The following ITPRID1 variants were observed in gnomAD, a reference collection of about 807,000 sequenced individuals.
ITPRID1 encodes the protein ITPR interacting domain containing 1, also known as protein ITPRID1.
Under a neutral mutation model 95.4 loss-of-function variants are expected in ITPRID1, and 96 were observed. The ratio of observed to expected loss-of-function variants is 1.01; its 90% CI spans 0.85 to 1.19. ITPRID1 has a LOEUF of 1.19. Ranked by LOEUF, ITPRID1 falls within the 50% of genes most tolerant of loss-of-function variation. The probability of loss-of-function intolerance (pLI) is 0.00; values close to 1 mark genes in which losing one functional copy is unlikely to be tolerated. For synonymous variants in ITPRID1, 510 were observed against 453.6 expected (o/e 1.12, Z -1.58); for missense variants, 1,339 against 1,252.9 (o/e 1.07, Z -1.04).
rs759458587 is a variant in ITPRID1, at chr7:31,569,768, T to G, written c.267T>G (p.Tyr89Ter). The change falls in exon 6 of 15, where the codon TAT becomes TAG. Residue 89 changes from tyrosine to a stop codon, truncating the protein, a stop_gained. Transcript: ENST00000615280. LOFTEE classifies it high-confidence loss of function. ...QQVIDRTVSL[Y>*]EQGMVQMTVK... ...TTTTTGTTGTTGCAGTTTCTTTGTATGAACAAGGGATGGTTCAAATGACTG... is the reference window on the plus strand; with the variant it reads ...TTTTTGTTGTTGCAGTTTCTTTGTAGGAACAAGGGATGGTTCAAATGACTG... 1 of 1,584,770 alleles carries G rather than the reference T, an allele frequency of 6.3e-7. No individual in the cohort carries two copies. Among genetic ancestry groups the G allele is most frequent in the Admixed American group, 1.8e-5 (1 of 55,564 alleles).
At chr7:31,625,819 CTT>C (rs34385465) in intron 10 of ITPRID1, among the ~76,000 whole-genome samples, 2,296 of 149,888 alleles carry the variant, frequency 0.015, 22 homozygotes, top group Non-Finnish European at 0.025. Flanking sequence ...CTTAGAATGT[CTT>C]TTTTTTTAAA....
At chr7:31,604,451 A>T (rs1332737224) in intron 10 of ITPRID1, among the ~76,000 whole-genome samples, 2 of 152,220 alleles carry the variant, frequency 1.3e-5, no homozygotes, top group African/African-American at 2.4e-5. Flanking sequence ...TATAGTTAAG[A>T]TACCATCCTA....
downstream of ITPRID1, chr7:31,658,298 CCTTTT>C: frequency 6.7e-7 from 1 of 1,494,478 alleles, no homozygotes; most frequent in Non-Finnish European, 8.8e-7. Context: ...GAGCTGGATC[CCTTTT>C]TTTTTTCTTC....
chr7:31,562,044 T>TAA lies in ITPRID1; in HGVS notation c.256+7168_256+7169dup, dbSNP rs33912394. On this transcript the variant is annotated intron_variant, in intron 5 of 14. Coordinates refer to ENST00000615280, the MANE Select transcript of ITPRID1 (RefSeq NM_001257967.3). ...AGATTCCATATGAAAGCTATGTATT[T>TAA]AAAAAAAAAAAAAAAAAAAAAAAAA... 1.4e-3 allele frequency among the ~76,000 whole-genome samples: 72 copies of TAA among 52,546 alleles called. 1 individual carries two copies. The highest frequency in any genetic ancestry group is 4.3e-3 in the African/African-American group (63 of 14,514). The allele number at this position is 52,546 out of a possible 152,430, so 34.5% of individuals were successfully genotyped here.
intron 8 of ITPRID1, 37 bp from the exon 9 acceptor site, chr7:31,577,826 C>T (rs1219763553): frequency 4.0e-6 from 6 of 1,497,664 alleles, no homozygotes; most frequent in Non-Finnish European, 5.4e-6. Context: ...GCAAAAAAGA[C>T]CCAATCTGAA....
Position 31,554,472 on chromosome 7 carries a change from T to C in ITPRID1, c.164-3T>C, listed in dbSNP as rs1784384071. ...TAACTGATCTGTTCTTTCTTACTTG[T>C]AGAAGATTCCAAGCAAGAAAGTATT... On this transcript the variant is annotated splice_polypyrimidine_tract_variant and splice_region_variant and intron_variant, in intron 3 of 14. Transcript: ENST00000615280. 2 of 1,612,282 alleles carry C rather than the reference T, an allele frequency of 1.2e-6. No homozygotes were observed. Among genetic ancestry groups the C allele is most frequent in the Non-Finnish European group, 8.5e-7 (1 of 1,179,064 alleles).
chr7:31,564,434 C>T (rs1218299540), intron 5 of ITPRID1, among the ~76,000 whole-genome samples: 1 of 152,066 alleles, frequency 6.6e-6, no homozygotes, highest in Non-Finnish European at 1.5e-5. Context: ...CCTCCCCAAA[C>T]ACTCTTAGAG....
At chr7:31,553,558 T>C (rs975208080) in intron 3 of ITPRID1, among the ~76,000 whole-genome samples, 3 of 152,216 alleles carry the variant, frequency 2.0e-5, no homozygotes, top group Admixed American at 1.3e-4. Context: ...GCAGGAGGCA[T>C]TGACAAAAAT....
chr7:31,604,146 G>A (rs1277104145), intron 10 of ITPRID1, among the ~76,000 whole-genome samples: 1 of 152,212 alleles, frequency 6.6e-6, no homozygotes, highest in Admixed American at 6.5e-5. Context: ...GGGTTAGTAT[G>A]TGGGGCTGTA....
At chr7:31,600,425 A>G (rs1346168080) in intron 10 of ITPRID1, among the ~76,000 whole-genome samples, 1 of 152,244 alleles carries the variant, frequency 6.6e-6, no homozygotes, top group East Asian at 1.9e-4. Context: ...CATAAAGTGG[A>G]CAATTATGCA....
chr7:31,628,945 AAAAC>A (rs1788745448), intron 10 of ITPRID1, among the ~76,000 whole-genome samples: 1 of 152,218 alleles, frequency 6.6e-6, no homozygotes, highest in Non-Finnish European at 1.5e-5. Flanking sequence ...GGAAAAAACA[AAAAC>A]AAAAAAACAT....
intron 9 of ITPRID1, among the ~76,000 whole-genome samples, chr7:31,580,872 A>G (rs1785378243): frequency 6.6e-6 from 1 of 152,164 alleles, no homozygotes; most frequent in Non-Finnish European, 1.5e-5. Flanking sequence ...GAGAGACTGT[A>G]TGTGTATGTA....
intron 1 of ITPRID1, among the ~76,000 whole-genome samples, chr7:31,534,529 GTTT>G (rs924263030): frequency 5.3e-5 from 8 of 152,050 alleles, no homozygotes; most frequent in Admixed American, 3.9e-4. Flanking sequence ...TCTGCTAATA[GTTT>G]TTGTCTTGAA....
chr7:31,553,306 G>A (rs1784346550), intron 3 of ITPRID1, 119 bp downstream of exon 3: 1 of 914,694 alleles, frequency 1.1e-6, no homozygotes, highest in Admixed American at 2.9e-5. Flanking sequence ...GAATATACCA[G>A]TGTTCCTGGC....
At chr7:31,616,656 T>C (rs1273246070) in intron 10 of ITPRID1, among the ~76,000 whole-genome samples, 1 of 152,180 alleles carries the variant, frequency 6.6e-6, no homozygotes, top group East Asian at 1.9e-4. Flanking sequence ...ATAAGGTAAA[T>C]TCCCCAGATA....
intron 10 of ITPRID1, among the ~76,000 whole-genome samples, chr7:31,594,409 C>A (rs1401583187): frequency 6.6e-6 from 1 of 152,014 alleles, no homozygotes; most frequent in Non-Finnish European, 1.5e-5. Flanking sequence ...TATAAGGAAC[C>A]GTTAATGGTG....
intron 1 of ITPRID1, among the ~76,000 whole-genome samples, chr7:31,546,823 A>G (rs1357286499): frequency 6.6e-6 from 1 of 152,142 alleles, no homozygotes; most frequent in Non-Finnish European, 1.5e-5. Context: ...TTTACACTGA[A>G]CTATGGGATT....
intron 1 of ITPRID1, among the ~76,000 whole-genome samples, chr7:31,527,207 T>A (rs533260371): frequency 6.6e-6 from 1 of 152,288 alleles, no homozygotes; most frequent in Non-Finnish European, 1.5e-5. Flanking sequence ...TACTCATACT[T>A]TATGAAGGCT....
chr7:31,614,246 A>T (rs1467423054), intron 10 of ITPRID1, among the ~76,000 whole-genome samples: 4 of 152,198 alleles, frequency 2.6e-5, no homozygotes, highest in Non-Finnish European at 5.9e-5. Flanking sequence ...GCAGGTGAAG[A>T]AGTAACTTCA....
Sources: allele counts gnomAD v4.1 joint callset (sites outside exome capture counted in the v4.1 genomes callset), GRCh38; gene constraint gnomAD v4.1.1; transcripts MANE v1.5; gene names NCBI Gene and HGNC (gene_info 2026-07-23, HGNC 2026-07-21).